Variants in PDE7B observed in about 807,000 individuals in gnomAD.
PDE7B encodes phosphodiesterase 7B.
Under a neutral mutation model 56.2 loss-of-function variants are expected in PDE7B, and 29 were observed. The ratio of observed to expected loss-of-function variants is 0.52; its 90% confidence interval spans 0.38 to 0.70. The LOEUF (loss-of-function observed/expected upper bound fraction) is 0.70, where lower values mean the gene tolerates loss of function less well. Ranked by LOEUF, PDE7B falls within the 30% of genes least tolerant of loss-of-function variation. PDE7B has a pLI of 0.00. For missense variants in PDE7B, 490 were observed against 565.0 expected, an observed-to-expected ratio of 0.87 and a Z score of 1.35; for synonymous variants, 197 against 196.9, an observed-to-expected ratio of 1.00 and a Z score of 0.00.
At position 135,934,737 on chromosome 6, in the gene PDE7B, A is replaced by AT. The variant is rs1230455495; in HGVS notation, c.22-12727_22-12726insT. On this transcript the variant is annotated intron_variant, in intron 1 of 12. Transcript: ENST00000308191. Reference sequence around the variant, plus strand: ...AGAGTGAAACTCTGTCTCAAAAAAAAAAATATATATATATATATTTTTTAA... The same window carrying AT: ...AGAGTGAAACTCTGTCTCAAAAAAAATAAATATATATATATATATTTTTTAA... Among the ~76,000 whole-genome samples, 1,315 of 100,324 alleles carry AT rather than the reference A, an allele frequency of 0.013. 37 individuals carry two copies. The East Asian group carries it at 0.13, about 10-fold the overall frequency. The allele number at this position is 100,324 out of a possible 152,430, so 65.8% of individuals were successfully genotyped here. A position where few individuals can be genotyped will look rare whatever the true frequency, so the allele number is the denominator to read the frequency against.
At chr6:135,902,558 T>A (rs533299733) in intron 1 of PDE7B, among the ~76,000 whole-genome samples, 1 of 152,308 alleles carries the variant, frequency 6.6e-6, no homozygotes, top group African/African-American at 2.4e-5. Flanking sequence ...TGCTGTGGCC[T>A]CTGCTTAATT....
At chr6:135,938,617 A>C (rs1774458783) in intron 1 of PDE7B, among the ~76,000 whole-genome samples, 1 of 152,200 alleles carries the variant, frequency 6.6e-6, no homozygotes, top group Non-Finnish European at 1.5e-5. Context: ...ACAATGAAAG[A>C]GGCTGTCTTC....
chr6:136,000,491 A>G (rs751451141), intron 2 of PDE7B, among the ~76,000 whole-genome samples: 2 of 152,164 alleles, frequency 1.3e-5, no homozygotes, highest in Non-Finnish European at 2.9e-5. Flanking sequence ...TCCCAGCACC[A>G]TTTATTGAAT....
chr6:135,884,612 A>G (rs1775668894), intron 1 of PDE7B, among the ~76,000 whole-genome samples: 1 of 152,152 alleles, frequency 6.6e-6, no homozygotes, highest in Non-Finnish European at 1.5e-5. Context: ...TCTATTGACT[A>G]TGGCATTTAA....
Position 136,063,805 on chromosome 6 carries a change from T to G in PDE7B, c.83-44926T>G, listed in dbSNP as rs1271024595. Among the ~76,000 whole-genome samples the G allele has an allele frequency of 5.4e-4, 82 of 152,150 alleles. 1 individual carries two copies. Among genetic ancestry groups the G allele is most frequent in the Admixed American group, 5.4e-3 (82 of 15,272 alleles). ...CTCCCTAGACATTCAAAACCTCATA[T>G]CCAACCCTCTCATTTCCAAATTCCC... On this transcript the variant is annotated intron_variant, in intron 2 of 12. Coordinates refer to ENST00000308191, the MANE Select transcript of PDE7B (RefSeq NM_018945.4).
intron 2 of PDE7B, among the ~76,000 whole-genome samples, chr6:135,959,422 C>G (rs1774858878): frequency 6.6e-6 from 1 of 151,932 alleles, no homozygotes; most frequent in Non-Finnish European, 1.5e-5. Flanking sequence ...TTTAGAAAAT[C>G]AAGTATTTAA....
intron 7 of PDE7B, 72 bp downstream of exon 7, chr6:136,154,247 C>A (rs1404320688): frequency 2.4e-6 from 2 of 823,564 alleles, no homozygotes; most frequent in Non-Finnish European, 4.2e-6. Context: ...GCCCAAGTTA[C>A]CCAACATATC....
At chr6:136,148,941 G>A in intron 4 of PDE7B, 146 bp from the exon 5 acceptor site, 1 of 615,668 alleles carries the variant, frequency 1.6e-6, no homozygotes. Flanking sequence ...TTTTATTGTA[G>A]GACATAGGGA....
chr6:136,180,943 T>G (rs1454929229), intron 10 of PDE7B, among the ~76,000 whole-genome samples: 1 of 152,192 alleles, frequency 6.6e-6, no homozygotes, highest in Non-Finnish European at 1.5e-5. Context: ...AGCCAGGCCA[T>G]GGCTTTCCTT....
intron 12 of PDE7B, 21 bp downstream of exon 12, chr6:136,187,137 A>C: frequency 8.6e-7 from 1 of 1,167,962 alleles, no homozygotes; most frequent in Non-Finnish European, 1.3e-6. Flanking sequence ...TTCAGTGTTA[A>C]TTCCAAATAA....
chr6:135,860,716 G>A (rs1323951412), intron 1 of PDE7B, among the ~76,000 whole-genome samples: 1 of 151,998 alleles, frequency 6.6e-6, no homozygotes, highest in Non-Finnish European at 1.5e-5. Flanking sequence ...GAGTATGAAA[G>A]AGTAAAACTT....
chr6:135,933,507 T>C (rs1774329737), intron 1 of PDE7B, among the ~76,000 whole-genome samples: 1 of 152,238 alleles, frequency 6.6e-6, no homozygotes, highest in African/African-American at 2.4e-5. Context: ...AAGATATAAC[T>C]CTTGCCCTTA....
intron 1 of PDE7B, 94 bp downstream of exon 1, chr6:135,852,113 C>G: frequency 1.2e-6 from 1 of 860,958 alleles, no homozygotes; most frequent in Non-Finnish European, 2.0e-6. Flanking sequence ...TGAACCTGTA[C>G]ATATATATGT....
chr6:136,054,140 T>G (rs1776686137), intron 2 of PDE7B, among the ~76,000 whole-genome samples: 1 of 152,238 alleles, frequency 6.6e-6, no homozygotes, highest in Non-Finnish European at 1.5e-5. Context: ...CATGCTTATG[T>G]CCTGAATGGT....
chr6:136,109,987 C>G (rs1323124159), intron 3 of PDE7B, among the ~76,000 whole-genome samples: 1 of 152,146 alleles, frequency 6.6e-6, no homozygotes, highest in Non-Finnish European at 1.5e-5. Context: ...TACTTCAACC[C>G]CTGGAAATTA....
intron 2 of PDE7B, among the ~76,000 whole-genome samples, chr6:136,004,101 T>C (rs887378944): frequency 7.2e-4 from 110 of 151,830 alleles, no homozygotes; most frequent in African/African-American, 2.2e-3. Flanking sequence ...AAGACAAAAA[T>C]CACATGATTA....
At chr6:135,945,189 C>A (rs1224441731) in intron 1 of PDE7B, among the ~76,000 whole-genome samples, 2 of 152,188 alleles carry the variant, frequency 1.3e-5, no homozygotes, top group African/African-American at 4.8e-5. Context: ...TATGATCAGA[C>A]TCCATGGGTC....
At chr6:136,111,191 C>T (rs1777741260) in intron 3 of PDE7B, 1 of 152,006 alleles carries the variant, frequency 6.6e-6, no homozygotes, top group Admixed American at 6.6e-5. Flanking sequence ...ATCAAAGACA[C>T]CCCAAAAAGA....
chr6:136,187,096 C>T lies in PDE7B; in HGVS notation c.1106C>T (p.Ser369Phe). 1 of 1,564,848 alleles carries T rather than the reference C, an allele frequency of 6.4e-7. No homozygotes were observed. The highest frequency in any genetic ancestry group is 1.7e-5 in the Admixed American group (1 of 59,562). ...ISPLCNQQKD[S>F]IPSIQIGFMS... ...CCTCTTTGTAATCAACAGAAAGATT[C>T]CATCCCTAGTATACAAATTGGTGAG... Residue 369 changes from serine (S) to phenylalanine (F), a missense_variant, in exon 12 of 13, where the codon TCC (serine) becomes TTC (phenylalanine). By Grantham distance (155) the Ser-to-Phe change is radical. Coordinates refer to ENST00000308191, the MANE Select transcript of PDE7B (RefSeq NM_018945.4).
Sources: gnomAD v4.1 joint callset for allele counts (sites outside exome capture counted in the v4.1 genomes callset) on GRCh38, gnomAD v4.1.1 for gene constraint, MANE v1.5 for transcripts, NCBI Gene and HGNC (gene_info 2026-07-23, HGNC 2026-07-21) for gene names.